Variants in CCN1 observed in about 807,000 individuals in gnomAD.
CCN1 encodes cellular communication network factor 1, also known as CCN family member 1.
In CCN1, 12 loss-of-function variants were observed where a neutral mutation model predicts 38.1. The observed-to-expected ratio is 0.31, with a 90% CI of 0.20 to 0.51. The LOEUF (loss-of-function observed/expected upper bound fraction) is 0.51. Among genes scored for constraint, CCN1 ranks in the 20% least tolerant of loss-of-function variants. CCN1 has a pLI of 0.97. For synonymous variants in CCN1, 202 were observed against 196.1 expected (o/e 1.03, Z -0.25); for missense variants, 466 against 490.9 (o/e 0.95, Z 0.48).
At position 85,582,137 on chromosome 1, in the gene CCN1, T is replaced by C. The variant is rs1659802608; in HGVS notation, c.487T>C (p.Cys163Arg). ...CGGGCAGTGCTGCGAGGAGTGGGTC[T>C]GTGACGAGGATAGTATCAAGGACCC... ...VTGQCCEEWV[C>R]DEDSIKDPME... The change falls in exon 3 of 5, where the codon TGT becomes CGT. Residue 163 changes from cysteine (C) to arginine (R), a missense_variant. This residue lies in a region of CCN1 where 309 missense variants were observed against 319.9 expected (regional missense o/e 0.97). Coordinates refer to ENST00000451137, the MANE Select transcript of CCN1 (RefSeq NM_001554.5). The C allele has an allele frequency of 6.2e-7, 1 of 1,614,178 alleles. No individual in the cohort carries two copies. The highest frequency in any genetic ancestry group is 8.5e-7 in the Non-Finnish European group (1 of 1,180,028).
At position 85,580,917 on chromosome 1, in the gene CCN1, T is replaced by A. The variant is rs140723277; in HGVS notation, c.-68T>A. The A allele has an allele frequency of 3.5e-5, 51 of 1,442,118 alleles. No homozygotes were observed. Among genetic ancestry groups the A allele is most frequent in the Non-Finnish European group, 4.4e-5 (48 of 1,094,162 alleles). The allele number at this position is 1,442,118 out of a possible 1,614,324, so 89.3% of individuals were successfully genotyped here. A position where few individuals can be genotyped will look rare whatever the true frequency, so the allele number is the denominator to read the frequency against. ...CCCCGACCCCGCTGCGCACGGCCTG[T>A]CCGCTGCACACCAGCTTGTTGGCGT... On this transcript the variant is annotated 5_prime_UTR_variant, in exon 1 of 5. Coordinates refer to ENST00000451137, the MANE Select transcript of CCN1 (RefSeq NM_001554.5).
intron 2 of CCN1, 39 bp downstream of exon 2, chr1:85,581,617 T>C (rs1446483259): frequency 6.3e-7 from 1 of 1,582,192 alleles, no homozygotes; most frequent in South Asian, 1.1e-5. Flanking sequence ...AAAAAAATAC[T>C]AGTCCCCATA....
At position 85,580,916 on chromosome 1, in the gene CCN1, G is replaced by T. The variant is rs1029553581; in HGVS notation, c.-69G>T. 1.4e-6 allele frequency: 2 copies of T among 1,438,750 alleles called. No homozygotes were observed. Among genetic ancestry groups the T allele is most frequent in the East Asian group, 5.7e-5 (2 of 34,926 alleles). 89.1% of individuals were successfully genotyped at this position (1,438,750 alleles called of 1,614,324 possible). A position where few individuals can be genotyped will look rare whatever the true frequency, so the allele number is the denominator to read the frequency against. ...ACCCCGACCCCGCTGCGCACGGCCT[G>T]TCCGCTGCACACCAGCTTGTTGGCG... On this transcript the variant is annotated 5_prime_UTR_variant, in exon 1 of 5. Coordinates refer to ENST00000451137, the MANE Select transcript of CCN1 (RefSeq NM_001554.5).
rs1023077769 is a variant in CCN1 at position 85,583,786 on chromosome 1, C to A, written c.*744C>A. ...AACCTAGCTCACGTACTCAATTATT[C>A]AAACAGGACTTATTGGGATACAGCA... is the stretch of plus-strand genomic sequence containing the variant. On this transcript the variant is annotated 3_prime_UTR_variant, in exon 5 of 5. Coordinates refer to ENST00000451137, the MANE Select transcript of CCN1 (RefSeq NM_001554.5). The A allele has an allele frequency of 1.3e-5, 2 of 152,436 alleles. No homozygotes were observed. The highest frequency in any genetic ancestry group is 6.5e-5 in the Admixed American group (1 of 15,298). 9.4% of individuals were successfully genotyped at this position (152,436 alleles called of 1,614,324 possible).
Position 85,583,212 on chromosome 1 carries a change from C to G in CCN1, c.*170C>G, listed in dbSNP as rs1200228296. 9 of 721,304 alleles carry G rather than the reference C, an allele frequency of 1.2e-5. No individual in the cohort carries two copies. In the Admixed American group the frequency reaches 2.6e-4, roughly 21 times the overall value. The allele number at this position is 721,304 out of a possible 1,614,324, so 44.7% of individuals were successfully genotyped here. A position where few individuals can be genotyped will look rare whatever the true frequency, so the allele number is the denominator to read the frequency against. ...AGGTATTTCGAAACTGCCAAGGGTGCTGGTGCGGATGGACACTAATGCAGC... is the reference window on the plus strand; with the variant it reads ...AGGTATTTCGAAACTGCCAAGGGTGGTGGTGCGGATGGACACTAATGCAGC... On this transcript the variant is annotated 3_prime_UTR_variant, in exon 5 of 5. Coordinates refer to ENST00000451137, the MANE Select transcript of CCN1 (RefSeq NM_001554.5).
At position 85,583,564 on chromosome 1, in the gene CCN1, A is replaced by G. The variant is rs1659834291; in HGVS notation, c.*522A>G. On this transcript the variant is annotated 3_prime_UTR_variant, in exon 5 of 5. Coordinates refer to ENST00000451137, the MANE Select transcript of CCN1 (RefSeq NM_001554.5). ...CAGAAATCAGGTGTTTTAAGACTGA[A>G]TGTTTTATTTATCAAAATGTAGCTT... The G allele has an allele frequency of 6.5e-6, 1 of 153,004 alleles. No homozygotes were observed. The highest frequency in any genetic ancestry group is 6.5e-5 in the Admixed American group (1 of 15,296). The allele number at this position is 153,004 out of a possible 1,614,324, so 9.5% of individuals were successfully genotyped here.
intron 1 of CCN1, 71 bp downstream of exon 1, chr1:85,581,118 C>G: frequency 6.7e-7 from 1 of 1,498,802 alleles, no homozygotes; most frequent in Non-Finnish European, 8.9e-7. Context: ...TCCCAGATTG[C>G]CCACGGCAGG....
rs1659812641 is a variant in CCN1, at chr1:85,582,515, C to T, written c.734C>T (p.Thr245Ile). The T allele has an allele frequency of 1.2e-6, 2 of 1,614,182 alleles. No individual in the cohort carries two copies. Among genetic ancestry groups the T allele is most frequent in the Non-Finnish European group, 1.7e-6 (2 of 1,180,036 alleles). The change falls in exon 4 of 5, where the codon ACT becomes ATT. Residue 245 changes from threonine to isoleucine, a missense_variant. Around this residue, in one of 3 missense-constraint regions of CCN1, gnomAD observed 309 missense variants for 319.9 expected, o/e 0.97. Transcript: ENST00000451137. ...TCCCAGTGCTCAAAGACCTGTGGAA[C>T]TGGTATCTCCACACGAGTTACCAAT... ...SWSQCSKTCGTGISTRVTNDN... is the reference protein window; with the variant it reads ...SWSQCSKTCGIGISTRVTNDN...
chr1:85,583,137 G>A lies in CCN1; in HGVS notation c.*95G>A. On this transcript the variant is annotated 3_prime_UTR_variant, in exon 5 of 5. Coordinates refer to ENST00000451137, the MANE Select transcript of CCN1 (RefSeq NM_001554.5). ...GAAAATGGGCGGGGGTGGTGTGGGT[G>A]ATGGGACTCATTGTAGAAAGGAAGC... is the stretch of plus-strand genomic sequence containing the variant. The A allele has an allele frequency of 1.5e-6, 2 of 1,304,358 alleles. No individual in the cohort carries two copies. The highest frequency in any genetic ancestry group is 2.9e-5 in the African/African-American group (2 of 68,428). The allele number at this position is 1,304,358 out of a possible 1,614,324, so 80.8% of individuals were successfully genotyped here.
chr1:85,581,085 C>G (rs777167452), intron 1 of CCN1, 38 bp downstream of exon 1: 1 of 1,578,798 alleles, frequency 6.3e-7, no homozygotes, highest in Non-Finnish European at 8.6e-7. Context: ...ATTCCCCGTC[C>G]GCTCTCCAGC....
rs1042264485 is a variant in CCN1 at position 85,581,025 on chromosome 1, C to T, written c.41C>T (p.Thr14Ile). ...RIARALALVVTLLHLTRLALS... is the reference protein window; with the variant it reads ...RIARALALVVILLHLTRLALS... The stretch of plus-strand genomic sequence containing the variant: ...GCCAGGGCGCTCGCCTTAGTCGTCA[C>T]CCTTCTCCACTTGACCAGGCTGGTG... The change falls in exon 1 of 5, where the codon ACC becomes ATC. Residue 14 changes from threonine to isoleucine, a missense_variant. Coordinates refer to ENST00000451137, the MANE Select transcript of CCN1 (RefSeq NM_001554.5). 7.4e-6 allele frequency: 12 copies of T among 1,611,080 alleles called. No homozygotes were observed. In the South Asian group the frequency reaches 1.0e-4, roughly 13 times the overall value.
chr1:85,581,402 T>C lies in CCN1; in HGVS notation c.101T>C (p.Leu34Pro), dbSNP rs1659788933. 2 of 1,604,662 alleles carry C rather than the reference T, an allele frequency of 1.2e-6. No individual in the cohort carries two copies. Among genetic ancestry groups the C allele is most frequent in the Non-Finnish European group, 1.7e-6 (2 of 1,176,468 alleles). ...TGCCCCGCTGCCTGCCACTGCCCCCTGGAGGCGCCCAAGTGCGCGCCGGGA... is the reference window on the plus strand; with the variant it reads ...TGCCCCGCTGCCTGCCACTGCCCCCCGGAGGCGCCCAAGTGCGCGCCGGGA... ...STCPAACHCP[L>P]EAPKCAPGVG... The change falls in exon 2 of 5, where the codon CTG becomes CCG. Residue 34 changes from leucine to proline, a missense_variant. By Grantham distance (98) the Leu-to-Pro change is moderately conservative. Around this residue, in one of 3 missense-constraint regions of CCN1, gnomAD observed 146 missense variants for 141.1 expected, o/e 1.03. Transcript: ENST00000451137.
chr1:85,583,036 G>A lies in CCN1; in HGVS notation c.1140G>A (p.Arg380=), dbSNP rs758761253. 1 of 1,607,312 alleles carries A rather than the reference G, an allele frequency of 6.2e-7. No individual in the cohort carries two copies. The highest frequency in any genetic ancestry group is 8.5e-7 in the Non-Finnish European group (1 of 1,174,260). Residue 380 remains arginine, a synonymous_variant, in exon 5 of 5, where the codon AGG becomes AGA. Transcript: ENST00000451137. ...TGTTCAATGACATTCACAAATTTAGGGACTAAATGCTACCTGGGTTTCCAG... is the reference window on the plus strand; with the variant it reads ...TGTTCAATGACATTCACAAATTTAGAGACTAAATGCTACCTGGGTTTCCAG... ...YRLFNDIHKF[R]D is the part of the protein sequence containing the mutation.
Position 85,582,054 on chromosome 1 carries a change from C to G in CCN1, c.404C>G (p.Pro135Arg), listed in dbSNP as rs530094396. 1.1e-5 allele frequency: 17 copies of G among 1,614,142 alleles called. No homozygotes were observed. In the South Asian group the frequency reaches 1.6e-4, roughly 16 times the overall value. ...DGAVGCIPLC[P>R]QELSLPNLGC... ...GCCGTGGGCTGCATTCCTCTGTGTC[C>G]CCAAGAACTATCTCTCCCCAACTTG... Residue 135 changes from proline to arginine, a missense_variant, in exon 3 of 5, where the codon CCC (proline) becomes CGC (arginine). By Grantham distance (103) the Pro-to-Arg change is moderately radical. This residue lies in a region of CCN1 where 309 missense variants were observed against 319.9 expected (regional missense o/e 0.97). Transcript: ENST00000451137.
chr1:85,581,441 G>C lies in CCN1; in HGVS notation c.140G>C (p.Arg47Pro), dbSNP rs990461944. 1.2e-5 allele frequency: 20 copies of C among 1,609,890 alleles called. No homozygotes were observed. In the Admixed American group the frequency reaches 3.2e-4, roughly 26 times the overall value. Reference sequence around the variant, plus strand: ...TGCGCGCCGGGAGTCGGGCTGGTCCGGGACGGCTGCGGCTGCTGTAAGGTC... The same window carrying C: ...TGCGCGCCGGGAGTCGGGCTGGTCCCGGACGGCTGCGGCTGCTGTAAGGTC... ...PKCAPGVGLV[R>P]DGCGCCKVCA... The change falls in exon 2 of 5, where the codon CGG becomes CCG. Residue 47 changes from arginine (R) to proline (P), a missense_variant. Physicochemically the swap from Arg to Pro is moderately radical, Grantham distance 103. Transcript: ENST00000451137.
Position 85,583,007 on chromosome 1 carries a change from A to G in CCN1, c.1111A>G (p.Arg371Gly). The change falls in exon 5 of 5, where the codon AGG becomes GGG. Residue 371 changes from arginine to glycine, a missense_variant. This residue lies in a region of CCN1 where 309 missense variants were observed against 319.9 expected (regional missense o/e 0.97). Coordinates refer to ENST00000451137, the MANE Select transcript of CCN1 (RefSeq NM_001554.5). ...CAATGAAGCAGCGTTTCCCTTCTAC[A>G]GGCTGTTCAATGACATTCACAAATT... ...HANEAAFPFYRLFNDIHKFRD is the reference protein window; with the variant it reads ...HANEAAFPFYGLFNDIHKFRD 6.2e-7 allele frequency: 1 copy of G among 1,613,224 alleles called. No individual in the cohort carries two copies. Among genetic ancestry groups the G allele is most frequent in the Non-Finnish European group, 8.5e-7 (1 of 1,179,168 alleles).
At position 85,582,532 on chromosome 1, in the gene CCN1, G is replaced by A. The variant is rs1192693119; in HGVS notation, c.751G>A (p.Val251Ile). The A allele has an allele frequency of 6.2e-7, 1 of 1,614,024 alleles. No individual in the cohort carries two copies. Among genetic ancestry groups the A allele is most frequent in the African/African-American group, 1.3e-5 (1 of 74,902 alleles). ...KTCGTGISTR[V>I]TNDNPECRLV... Reference sequence around the variant, plus strand: ...CTGTGGAACTGGTATCTCCACACGAGTTACCAATGACAACCCTGAGTGCCG... The same window carrying A: ...CTGTGGAACTGGTATCTCCACACGAATTACCAATGACAACCCTGAGTGCCG... The change falls in exon 4 of 5, where the codon GTT (valine) becomes ATT (isoleucine). Residue 251 changes from valine to isoleucine, a missense_variant. Coordinates refer to ENST00000451137, the MANE Select transcript of CCN1 (RefSeq NM_001554.5).
At position 85,581,335 on chromosome 1, in the gene CCN1, AGTCTCACGCGTATCT is replaced by A; in HGVS notation, c.64-29_64-15del. On this transcript the variant is annotated splice_polypyrimidine_tract_variant and intron_variant, in intron 1 of 4. Transcript: ENST00000451137. ...GGCGCCCCTCCTGCGCACCGCGCCGAGTCTCACGCGTATCTTCTCCCCCTTCCAGGCGCTCTCCAC... is the reference window on the plus strand; with the variant it reads ...GGCGCCCCTCCTGCGCACCGCGCCGATCTCCCCCTTCCAGGCGCTCTCCAC... 1 of 1,537,406 alleles carries A rather than the reference AGTCTCACGCGTATCT, an allele frequency of 6.5e-7. No individual in the cohort carries two copies. The highest frequency in any genetic ancestry group is 8.7e-7 in the Non-Finnish European group (1 of 1,143,004).
chr1:85,583,233 G>A lies in CCN1; in HGVS notation c.*191G>A. 1 of 616,488 alleles carries A rather than the reference G, an allele frequency of 1.6e-6. No homozygotes were observed. Among genetic ancestry groups the A allele is most frequent in the Non-Finnish European group, 2.8e-6 (1 of 355,648 alleles). The allele number at this position is 616,488 out of a possible 1,614,324, so 38.2% of individuals were successfully genotyped here. The stretch of plus-strand genomic sequence containing the variant: ...GGTGCTGGTGCGGATGGACACTAAT[G>A]CAGCCACGATTGGAGAATACTTTGC... On this transcript the variant is annotated 3_prime_UTR_variant, in exon 5 of 5. Coordinates refer to ENST00000451137, the MANE Select transcript of CCN1 (RefSeq NM_001554.5).
Sources: gnomAD v4.1 joint callset for allele counts on GRCh38, gnomAD v4.1.1 for gene constraint, gnomAD v4.1.1 regional missense constraint, MANE v1.5 for transcripts, NCBI Gene and HGNC (gene_info 2026-07-23, HGNC 2026-07-21) for gene names.